CIAO2A: variants seen among roughly 807,000 people sequenced by gnomAD.
CIAO2A encodes MIP18 family protein FAM96A.
CIAO2A carries 17 observed loss-of-function variants against 22.4 expected under a neutral mutation model. The ratio of observed to expected loss-of-function variants is 0.76; its 90% CI spans 0.52 to 1.14. The LOEUF (loss-of-function observed/expected upper bound fraction) is 1.14, where lower values mean the gene tolerates loss of function less well. Among genes scored for constraint, CIAO2A ranks in the 50% most tolerant of loss-of-function variants. The probability of loss-of-function intolerance (pLI) is 0.00; values close to 1 mark genes in which losing one functional copy is unlikely to be tolerated. For missense variants in CIAO2A, 192 were observed against 191.4 expected, an observed-to-expected ratio of 1.00 and a Z score of -0.02; for synonymous variants, 74 against 72.3, an observed-to-expected ratio of 1.02 and a Z score of -0.12.
intron 2 of CIAO2A, among the ~76,000 whole-genome samples, chr15:64,086,254 CA>C (rs1159895999): frequency 6.6e-6 from 1 of 150,622 alleles, no homozygotes. Context: ...ACTAAAAATA[CA>C]AAAAAAATTA....
intron 3 of CIAO2A, among the ~76,000 whole-genome samples, chr15:64,076,527 A>G (rs899687546): frequency 2.6e-5 from 4 of 152,154 alleles, no homozygotes; most frequent in Non-Finnish European, 5.9e-5. Flanking sequence ...AGCTTTTAAG[A>G]CAACCTACAA....
intron 2 of CIAO2A, among the ~76,000 whole-genome samples, chr15:64,081,727 T>C (rs1187062982): frequency 6.6e-6 from 1 of 151,850 alleles, no homozygotes; most frequent in African/African-American, 2.4e-5. Flanking sequence ...TTGGTACAGA[T>C]GGGGTTTCAC....
intron 1 of CIAO2A, among the ~76,000 whole-genome samples, chr15:64,089,431 C>CT: frequency 9.1e-6 from 1 of 110,382 alleles, no homozygotes; most frequent in South Asian, 3.7e-4. Flanking sequence ...AGGAGGATCG[C>CT]TTGAGCCCAG....
chr15:64,086,108 T>C (rs2080792424), intron 2 of CIAO2A, among the ~76,000 whole-genome samples: 1 of 151,878 alleles, frequency 6.6e-6, no homozygotes, highest in Non-Finnish European at 1.5e-5. Flanking sequence ...TAAATGTTAA[T>C]TTTAAAAATG....
chr15:64,080,576 G>C (rs747966188), intron 3 of CIAO2A, among the ~76,000 whole-genome samples: 13 of 152,088 alleles, frequency 8.5e-5, no homozygotes, highest in Admixed American at 3.3e-4. Flanking sequence ...CAGCTACTCG[G>C]GAGGCTGAGG....
chr15:64,087,595 G>C (rs1316190234), intron 2 of CIAO2A, among the ~76,000 whole-genome samples: 1 of 152,050 alleles, frequency 6.6e-6, no homozygotes, highest in African/African-American at 2.4e-5. Context: ...CTCAAGATGT[G>C]GCCTATATGG....
chr15:64,088,293 G>A (rs1057439667), intron 2 of CIAO2A, among the ~76,000 whole-genome samples: 1 of 152,132 alleles, frequency 6.6e-6, no homozygotes, highest in African/African-American at 2.4e-5. Context: ...CCAGAACTGA[G>A]GAAAAGCACT....
At chr15:64,084,372 G>T (rs897607186) in intron 2 of CIAO2A, among the ~76,000 whole-genome samples, 5 of 151,868 alleles carry the variant, frequency 3.3e-5, no homozygotes, top group South Asian at 2.1e-4. Context: ...TTCCAGATAG[G>T]GATTTACCAA....
intron 1 of CIAO2A, chr15:64,090,145 C>T: frequency 6.5e-6 from 1 of 154,202 alleles, no homozygotes; most frequent in Non-Finnish European, 1.4e-5. Flanking sequence ...GAGTTCGAGA[C>T]CAGCCTGGTG....
At chr15:64,090,469 T>C (rs888444950) in intron 1 of CIAO2A, among the ~76,000 whole-genome samples, 33 of 152,202 alleles carry the variant, frequency 2.2e-4, no homozygotes, top group African/African-American at 7.2e-4. Flanking sequence ...TACAACCCAG[T>C]ATGAGAATCA....
chr15:64,092,815 C>A (rs532312715), intron 1 of CIAO2A, among the ~76,000 whole-genome samples: 1 of 152,166 alleles, frequency 6.6e-6, no homozygotes, highest in South Asian at 2.1e-4. Context: ...AATATTATAT[C>A]CAGTCTTTTC....
intron 3 of CIAO2A, among the ~76,000 whole-genome samples, chr15:64,078,800 T>C (rs763919502): frequency 6.6e-6 from 1 of 151,874 alleles, no homozygotes; most frequent in Non-Finnish European, 1.5e-5. Context: ...CCGAAACACT[T>C]TGGGAAACCA....
chr15:64,074,362 CT>C (rs1281319123), intron 4 of CIAO2A: 2 of 152,178 alleles, frequency 1.3e-5, no homozygotes, highest in Non-Finnish European at 2.9e-5. Context: ...ATCTCAAAGG[CT>C]GAACTGTACC....
chr15:64,074,844 C>G (rs1392007358), intron 4 of CIAO2A: 1 of 152,162 alleles, frequency 6.6e-6, no homozygotes, highest in African/African-American at 2.4e-5. Flanking sequence ...CCCACCTTCT[C>G]AATTTACTTA....
chr15:64,086,668 C>T (rs2080798088), intron 2 of CIAO2A, among the ~76,000 whole-genome samples: 1 of 149,962 alleles, frequency 6.7e-6, no homozygotes, highest in Admixed American at 6.7e-5. Flanking sequence ...GGCTGGAGTG[C>T]AGTGGCGCAA....
intron 4 of CIAO2A, chr15:64,075,282 C>T: frequency 2.2e-6 from 1 of 454,694 alleles, no homozygotes; most frequent in Non-Finnish European, 3.9e-6. Flanking sequence ...AACCAGTCAA[C>T]ATCCGTGGGC....
At chr15:64,086,727 C>T (rs1479715414) in intron 2 of CIAO2A, among the ~76,000 whole-genome samples, 1 of 151,734 alleles carries the variant, frequency 6.6e-6, no homozygotes, top group Non-Finnish European at 1.5e-5. Context: ...GATTCTCCTG[C>T]CTCAGCCTCC....
At chr15:64,075,648 TG>T in intron 3 of CIAO2A, 111 bp from the exon 4 acceptor site, 1 of 557,342 alleles carries the variant, frequency 1.8e-6, no homozygotes, top group Non-Finnish European at 3.0e-6. Context: ...GCCCAAATCC[TG>T]TTTCTTTTTT....
chr15:64,078,415 A>C (rs1381670295), intron 3 of CIAO2A, among the ~76,000 whole-genome samples: 1 of 152,124 alleles, frequency 6.6e-6, no homozygotes, highest in Non-Finnish European at 1.5e-5. Flanking sequence ...CGGGTGTATC[A>C]CCTGAAGTCA....
Sources: gnomAD v4.1 joint callset for allele counts (sites outside exome capture counted in the v4.1 genomes callset) on GRCh38, gnomAD v4.1.1 for gene constraint, MANE v1.5 for transcripts, NCBI Gene and HGNC (gene_info 2026-07-23, HGNC 2026-07-21) for gene names.